NYAP2: variants seen among roughly 807,000 people sequenced by gnomAD.
NYAP2 encodes the protein neuronal tyrosine-phosphorylated phosphoinositide-3-kinase adaptor 2, also known as neuronal tyrosine-phosphorylated phosphoinositide-3-kinase adapter 2.
NYAP2 carries 23 observed loss-of-function variants against 50.4 expected under a neutral mutation model. That is an observed-to-expected ratio of 0.46 (90% CI 0.33 to 0.65). The LOEUF is 0.65. Ranked by LOEUF, NYAP2 falls within the 30% of genes least tolerant of loss-of-function variation. The probability of loss-of-function intolerance (pLI) is 0.02; values close to 1 mark genes in which losing one functional copy is unlikely to be tolerated. For synonymous variants in NYAP2, 394 were observed against 365.2 expected, an observed-to-expected ratio of 1.08 and a Z score of -0.90; for missense variants, 885 against 861.0, an observed-to-expected ratio of 1.03 and a Z score of -0.35.
At chr2:225,585,346 G>A (rs1277358852) in intron 5 of NYAP2, among the ~76,000 whole-genome samples, 1 of 152,060 alleles carries the variant, frequency 6.6e-6, no homozygotes, top group African/African-American at 2.4e-5. Flanking sequence ...GCTCCAGCTG[G>A]CAGCTATGCC....
the NYAP2 span, among the ~76,000 whole-genome samples, chr2:225,673,209 C>T: frequency 1.4e-4 from 22 of 151,980 alleles, no homozygotes; most frequent in Admixed American, 6.6e-4. Flanking sequence ...GAGAACAGCA[C>T]GGGAAAGACC....
chr2:225,474,130 C>T (rs1205533206), intron 3 of NYAP2, among the ~76,000 whole-genome samples: 88 of 152,028 alleles, frequency 5.8e-4, no homozygotes, highest in Non-Finnish European at 4.1e-4. Context: ...AGATGTGTGG[C>T]ATTATTTCTG....
At chr2:225,692,819 G>A in the NYAP2 span, among the ~76,000 whole-genome samples, 6 of 151,562 alleles carry the variant, frequency 4.0e-5, no homozygotes, top group African/African-American at 1.5e-4. Context: ...GAAAGATACA[G>A]TTAAAATTAA....
intron 4 of NYAP2, among the ~76,000 whole-genome samples, chr2:225,520,154 C>A (rs1445187420): frequency 1.3e-5 from 2 of 151,950 alleles, no homozygotes; most frequent in Non-Finnish European, 1.5e-5. Context: ...TTGAGTTCAT[C>A]GTAGATTCTG....
rs185238033 is a variant in NYAP2 at position 225,443,108 on chromosome 2, C to T, written c.221+34007C>T. 4.0e-3 allele frequency among the ~76,000 whole-genome samples: 602 copies of T among 152,258 alleles called. 5 individuals are homozygous for T. Among genetic ancestry groups the T allele is most frequent in the African/African-American group, 0.013 (520 of 41,532 alleles). On this transcript the variant is annotated intron_variant, in intron 3 of 6. Coordinates refer to ENST00000636099, the Ensembl canonical transcript of NYAP2. ...TTTAATTACCTTCCACTGGGTGCCT[C>T]CCATGACACATGGGGATAATGGGAG...
chr2:225,529,615 G>A (rs556610969), intron 4 of NYAP2, among the ~76,000 whole-genome samples: 3 of 152,158 alleles, frequency 2.0e-5, no homozygotes, highest in East Asian at 1.9e-4. Context: ...ATGAACTACC[G>A]TGCCTGGCCC....
intron 3 of NYAP2, among the ~76,000 whole-genome samples, chr2:225,469,182 C>T (rs1338135269): frequency 6.6e-6 from 1 of 151,954 alleles, no homozygotes; most frequent in Non-Finnish European, 1.5e-5. Flanking sequence ...AAAAAAACAA[C>T]CCCATCAAAA....
At chr2:225,506,604 C>T (rs1690711465) in intron 3 of NYAP2, among the ~76,000 whole-genome samples, 1 of 152,158 alleles carries the variant, frequency 6.6e-6, no homozygotes, top group Non-Finnish European at 1.5e-5. Flanking sequence ...GTTCAGTAGG[C>T]AGCACAAGGT....
At chr2:225,588,710 G>A (rs1692434837) in intron 5 of NYAP2, among the ~76,000 whole-genome samples, 1 of 152,090 alleles carries the variant, frequency 6.6e-6, no homozygotes, top group Non-Finnish European at 1.5e-5. Flanking sequence ...ATGTACGCTG[G>A]CTGTCTTGGT....
intron 5 of NYAP2, among the ~76,000 whole-genome samples, chr2:225,621,619 TTTATG>T (rs1180982272): frequency 5.9e-5 from 9 of 152,128 alleles, no homozygotes; most frequent in African/African-American, 2.2e-4. Context: ...GATGGGAAAT[TTTATG>T]TTATATGTAT....
At chr2:225,424,957 T>C (rs1695264884) in intron 3 of NYAP2, among the ~76,000 whole-genome samples, 1 of 152,174 alleles carries the variant, frequency 6.6e-6, no homozygotes, top group Non-Finnish European at 1.5e-5. Context: ...TTGAGTTCGT[T>C]TCCATCATAT....
exon 2 of NYAP2, chr2:225,400,807 G>A (rs1204496540): frequency 6.6e-6 from 1 of 152,466 alleles, no homozygotes; most frequent in Non-Finnish European, 1.5e-5. Context: ...TATCTGATAG[G>A]AAGGACATCG....
the NYAP2 span, among the ~76,000 whole-genome samples, chr2:225,666,259 A>T: frequency 6.6e-6 from 1 of 152,164 alleles, no homozygotes; most frequent in South Asian, 2.1e-4. Flanking sequence ...AATAACTGAC[A>T]TATATCACTG....
intron 3 of NYAP2, among the ~76,000 whole-genome samples, chr2:225,483,615 T>C (rs1339220355): frequency 6.6e-6 from 1 of 152,180 alleles, no homozygotes; most frequent in African/African-American, 2.4e-5. Context: ...AATAATAGCA[T>C]GAGTAATAAC....
At chr2:225,481,327 C>G (rs1690203583) in intron 3 of NYAP2, among the ~76,000 whole-genome samples, 1 of 152,016 alleles carries the variant, frequency 6.6e-6, no homozygotes, top group South Asian at 2.1e-4. Flanking sequence ...TTTATTTTCT[C>G]TATTAGTTAT....
At chr2:225,545,420 C>G (rs1177009059) in intron 4 of NYAP2, among the ~76,000 whole-genome samples, 4 of 151,944 alleles carry the variant, frequency 2.6e-5, no homozygotes, top group African/African-American at 9.7e-5. Context: ...TTTCAAATAG[C>G]CTGTATTTGA....
chr2:225,425,986 G>GTAATGAC, intron 3 of NYAP2, among the ~76,000 whole-genome samples: 2 of 152,112 alleles, frequency 1.3e-5, no homozygotes, highest in African/African-American at 4.8e-5. Flanking sequence ...TTAAGGGTAA[G>GTAATGAC]CTCAAGTTTA....
At chr2:225,612,693 A>T (rs1420949591) in intron 5 of NYAP2, among the ~76,000 whole-genome samples, 2 of 133,456 alleles carry the variant, frequency 1.5e-5, no homozygotes, top group Non-Finnish European at 3.3e-5. Flanking sequence ...CAGAGAAAGC[A>T]CTGCTGTCCC....
At chr2:225,429,970 G>T (rs1174111252) in intron 3 of NYAP2, among the ~76,000 whole-genome samples, 3 of 152,180 alleles carry the variant, frequency 2.0e-5, no homozygotes. Context: ...ATGTGACTCT[G>T]CCTACAGTCA....
Sources: allele counts gnomAD v4.1 joint callset (sites outside exome capture counted in the v4.1 genomes callset), GRCh38; gene constraint gnomAD v4.1.1; transcripts MANE v1.5; gene names NCBI Gene and HGNC (gene_info 2026-07-23, HGNC 2026-07-21).